The following CRHR2 variants were observed in gnomAD, a reference collection of about 807,000 sequenced individuals.
The protein encoded by CRHR2 is corticotropin releasing hormone receptor 2.
A neutral mutation model predicts 57.9 loss-of-function variants in CRHR2; 53 were observed. The ratio of observed to expected loss-of-function variants is 0.92; its 90% CI spans 0.73 to 1.15. The LOEUF (loss-of-function observed/expected upper bound fraction) is 1.15, where lower values mean the gene tolerates loss of function less well. Among genes scored for constraint, CRHR2 ranks in the 50% most tolerant of loss-of-function variants. The pLI is 0.00. For synonymous variants in CRHR2, 213 were observed against 220.9 expected (o/e 0.96, Z 0.32); for missense variants, 532 against 542.6 (o/e 0.98, Z 0.19).
intron 3 of CRHR2, among the ~76,000 whole-genome samples, chr7:30,666,448 A>G (rs1277676267): frequency 1.3e-5 from 2 of 152,180 alleles, no homozygotes; most frequent in African/African-American, 4.8e-5. Flanking sequence ...ACCCTACCCA[A>G]CCCCTGTGTT....
upstream of CRHR2, among the ~76,000 whole-genome samples, chr7:30,685,939 G>A (rs750433524): frequency 3.9e-5 from 6 of 152,056 alleles, no homozygotes; most frequent in Non-Finnish European, 7.4e-5. Context: ...AAGGTCCTTC[G>A]TAATCATCTA....
At chr7:30,662,025 A>G (rs1209640186) in intron 7 of CRHR2, 131 bp downstream of exon 7, 1 of 914,734 alleles carries the variant, frequency 1.1e-6, no homozygotes. Context: ...ATTTAAGGAC[A>G]ACAGGAACGT....
chr7:30,665,202 G>T lies in CRHR2; in HGVS notation c.426-15C>A, dbSNP rs978234050. 3.1e-6 allele frequency: 5 copies of T among 1,608,278 alleles called. No individual in the cohort carries two copies. In the African/African-American group the frequency reaches 4.0e-5, roughly 13 times the overall value. On this transcript the variant is annotated splice_polypyrimidine_tract_variant and intron_variant, in intron 4 of 11. Coordinates refer to ENST00000471646, the MANE Select transcript of CRHR2 (RefSeq NM_001883.5). This position sits in a 1 kb window ranked among gnomAD's most constrained non-coding sequence, Gnocchi z 4.5. Reference sequence around the variant, plus strand: ...AGCGAATGCTCCTGTGGGAGGTGCAGGTCAGGGGTCAGCCAGGTTCAGGGG... The same window carrying T: ...AGCGAATGCTCCTGTGGGAGGTGCATGTCAGGGGTCAGCCAGGTTCAGGGG...
rs746319940 is a variant in CRHR2, at chr7:30,653,642, C to G, written c.1096-42G>C. 1.1e-5 allele frequency: 18 copies of G among 1,565,498 alleles called. No homozygotes were observed. The highest frequency in any genetic ancestry group is 4.8e-5 in the South Asian group (4 of 83,804). ...GGCTCAGCTGGCTCCCAGGGACCAA[C>G]CCTGGGCTTCTGGGACCATCCCCTC... On this transcript the variant is annotated intron_variant, in intron 11 of 11. Coordinates refer to ENST00000471646, the MANE Select transcript of CRHR2 (RefSeq NM_001883.5). The surrounding 1 kb of genome is among the most constrained non-coding windows in gnomAD (Gnocchi z 5.0).
chr7:30,686,281 C>T (rs559286025), upstream of CRHR2: 70 of 1,357,526 alleles, frequency 5.2e-5, 1 homozygote, highest in South Asian at 1.3e-3. Flanking sequence ...ATCTACCAGC[C>T]CATGCCTCCC....
At chr7:30,675,326 G>A (rs553930773) in intron 2 of CRHR2, among the ~76,000 whole-genome samples, 2 of 152,354 alleles carry the variant, frequency 1.3e-5, no homozygotes, top group South Asian at 2.1e-4. Context: ...GGCACTGGTG[G>A]TAAGGAGTGC....
At chr7:30,662,353 T>C (rs1436428947) in intron 6 of CRHR2, 137 bp from the exon 7 acceptor site, 1 of 994,980 alleles carries the variant, frequency 1.0e-6, no homozygotes, top group Middle Eastern at 2.1e-4. Flanking sequence ...ACCCCAGGGG[T>C]GCCCTGTCCC....
intron 2 of CRHR2, among the ~76,000 whole-genome samples, chr7:30,671,426 A>G (rs1784349579): frequency 6.6e-6 from 1 of 152,126 alleles, no homozygotes; most frequent in South Asian, 2.1e-4. Context: ...GGACAGGGGT[A>G]GGCATGGGGA....
chr7:30,671,839 TGA>T (rs1784368428), intron 2 of CRHR2, among the ~76,000 whole-genome samples: 2 of 146,100 alleles, frequency 1.4e-5, no homozygotes, highest in African/African-American at 5.2e-5. Context: ...ATGATGATGA[TGA>T]TAATGATGAT....
At chr7:30,661,036 C>T (rs1315425143) in intron 7 of CRHR2, among the ~76,000 whole-genome samples, 6 of 152,228 alleles carry the variant, frequency 3.9e-5, no homozygotes, top group Admixed American at 3.9e-4. Flanking sequence ...GCTTGAAACC[C>T]GCTGTTCCGT....
upstream of CRHR2, among the ~76,000 whole-genome samples, chr7:30,685,776 C>A (rs533250561): frequency 6.6e-6 from 1 of 152,334 alleles, no homozygotes; most frequent in South Asian, 2.1e-4. Context: ...TCTCCCAGGC[C>A]ATCCTCATCT....
Position 30,682,002 on chromosome 7 carries a change from C to A in CRHR2, c.142G>T (p.Gly48Ter). The stretch of plus-strand genomic sequence containing the variant: ...GCAGCGCTGCGGGGCCAGCACGTTC[C>A]GATCTGGTCCAAGGTCGTGTTGCAG... ...SYCNTTLDQI[G>*]TCWPRSAAGA... is the part of the protein sequence containing the mutation. Residue 48 changes from glycine to a stop codon, truncating the protein, a stop_gained, in exon 2 of 12, where the codon GGA becomes TGA. Transcript: ENST00000471646. LOFTEE classifies it high-confidence loss of function. 6.2e-7 allele frequency: 1 copy of A among 1,604,742 alleles called. No homozygotes were observed. The highest frequency in any genetic ancestry group is 8.5e-7 in the Non-Finnish European group (1 of 1,176,204).
chr7:30,669,541 T>C (rs1358347196), intron 2 of CRHR2, among the ~76,000 whole-genome samples: 2 of 152,188 alleles, frequency 1.3e-5, no homozygotes, highest in African/African-American at 4.8e-5. Flanking sequence ...CCAATGCCCA[T>C]GGGGTCCCAA....
intron 7 of CRHR2, 106 bp downstream of exon 7, chr7:30,662,050 G>T: frequency 8.3e-7 from 1 of 1,205,560 alleles, no homozygotes; most frequent in Non-Finnish European, 1.2e-6. Flanking sequence ...CTGTCTAGGT[G>T]TGGCTACAAT....
chr7:30,664,070 A>G (rs985111211), intron 5 of CRHR2, among the ~76,000 whole-genome samples: 1 of 152,134 alleles, frequency 6.6e-6, no homozygotes, highest in Non-Finnish European at 1.5e-5. Flanking sequence ...AGGGTTGATG[A>G]TGTTCTATTA....
At chr7:30,690,736 C>T (rs893356753) in intron 1 of CRHR2, among the ~76,000 whole-genome samples, 2 of 152,218 alleles carry the variant, frequency 1.3e-5, no homozygotes, top group African/African-American at 2.4e-5. Context: ...AATGACCCCA[C>T]CTGCTCAGAC....
chr7:30,660,150 TG>T (rs1331268841), intron 8 of CRHR2, among the ~76,000 whole-genome samples: 2 of 152,104 alleles, frequency 1.3e-5, no homozygotes, highest in South Asian at 4.1e-4. Context: ...CGCTTCAGGC[TG>T]GGGGTGGTGG....
intron 5 of CRHR2, among the ~76,000 whole-genome samples, chr7:30,664,757 C>T (rs747856682): frequency 6.6e-6 from 1 of 152,074 alleles, no homozygotes. Context: ...AGTCAGTTGT[C>T]ACCAGCTGAG....
intron 8 of CRHR2, among the ~76,000 whole-genome samples, chr7:30,658,355 C>G (rs1336443494): frequency 6.6e-6 from 1 of 152,286 alleles, no homozygotes; most frequent in Admixed American, 6.5e-5. Flanking sequence ...GTGTCAGGCT[C>G]TGAGCCAGGC....
Sources: allele counts gnomAD v4.1 joint callset (sites outside exome capture counted in the v4.1 genomes callset), GRCh38; gene constraint gnomAD v4.1.1; non-coding constraint Gnocchi (gnomAD v3.1); transcripts MANE v1.5; gene names NCBI Gene and HGNC (gene_info 2026-07-23, HGNC 2026-07-21).